PECAM1: variants seen among roughly 807,000 people sequenced by gnomAD.
PECAM1 encodes the protein platelet and endothelial cell adhesion molecule 1, also known as platelet endothelial cell adhesion molecule.
In PECAM1, 8 loss-of-function variants were observed where a neutral mutation model predicts 13.8. The observed-to-expected ratio is 0.58, with a 90% CI of 0.34 to 1.05. The LOEUF is 1.05. PECAM1 is among the 50% of genes least tolerant of loss of function. The probability of loss-of-function intolerance (pLI) is 0.03; values close to 1 mark genes in which losing one functional copy is unlikely to be tolerated. For missense variants in PECAM1, 304 were observed against 141.2 expected, an observed-to-expected ratio of 2.15 and a Z score of -5.84; for synonymous variants, 136 against 52.6, an observed-to-expected ratio of 2.58 and a Z score of -6.86.
rs1288818165 is a variant in PECAM1, at chr17:64,390,809, A to C, written c.-144T>G. The stretch of plus-strand genomic sequence containing the variant: ...TCTGGTCACTTCTCCCGGCGCCTGC[A>C]GAGAGACCGGCTGTGGCGCTGGTCA... On this transcript the variant is annotated 5_prime_UTR_variant, in exon 1 of 16. Coordinates refer to ENST00000563924, the MANE Select transcript of PECAM1 (RefSeq NM_000442.5). The C allele has an allele frequency of 2.5e-6, 1 of 397,748 alleles. No homozygotes were observed. Among genetic ancestry groups the C allele is most frequent in the Non-Finnish European group, 4.4e-6 (1 of 225,980 alleles). The allele number at this position is 397,748 out of a possible 1,614,324, so 24.6% of individuals were successfully genotyped here. A position where few individuals can be genotyped will look rare whatever the true frequency, so the allele number is the denominator to read the frequency against.
chr17:64,330,542 G>A (rs67294917), intron 14 of PECAM1, among the ~76,000 whole-genome samples: 70,851 of 150,806 alleles, frequency 0.47, 17,824 homozygotes, highest in East Asian at 0.69. Flanking sequence ...AGGCTGAGGC[G>A]GGAGAATCGC....
chr17:64,342,687 A>G lies in PECAM1; in HGVS notation c.2108-997T>C, dbSNP rs1205861842. On this transcript the variant is annotated intron_variant, in intron 13 of 15. Transcript: ENST00000563924. The stretch of plus-strand genomic sequence containing the variant: ...ATCCTCTGGGCTAGACCCTCTCAAT[A>G]TGGCAGCATGATGACTGACCCAGGG... Among the ~76,000 whole-genome samples, 5 of 152,108 alleles carry G rather than the reference A, an allele frequency of 3.3e-5. No homozygotes were observed. The East Asian group carries it at 7.8e-4, about 24-fold the overall frequency.
intron 15 of PECAM1, among the ~76,000 whole-genome samples, chr17:64,325,413 A>G (rs1424538924): frequency 6.6e-6 from 1 of 151,730 alleles, no homozygotes; most frequent in Non-Finnish European, 1.5e-5. Flanking sequence ...GGTAAATTTA[A>G]TATTATGTAT....
intron 6 of PECAM1, among the ~76,000 whole-genome samples, chr17:64,362,392 G>A (rs1283405576): frequency 6.6e-6 from 1 of 152,196 alleles, no homozygotes; most frequent in African/African-American, 2.4e-5. Context: ...GCTCAGGCCT[G>A]TAATCCCAGG....
chr17:64,382,055 A>G (rs1449196841), intron 2 of PECAM1, among the ~76,000 whole-genome samples: 3 of 152,196 alleles, frequency 2.0e-5, no homozygotes, highest in Non-Finnish European at 4.4e-5. Context: ...AGCCAAGGTC[A>G]TGCCATTGCA....
chr17:64,357,914 C>T (rs1422693406), intron 7 of PECAM1, among the ~76,000 whole-genome samples: 2 of 152,104 alleles, frequency 1.3e-5, no homozygotes, highest in Non-Finnish European at 2.9e-5. Context: ...CCAGGTGGAT[C>T]GTTCCGAGAA....
chr17:64,353,926 C>G lies in PECAM1; in HGVS notation c.1889-408G>C, dbSNP rs980589822. ...ATTAGCCAGATAAGCAGGCAGCTCT[C>G]TTCCTCTCTCTCTCTTTTTTTTTTT... On this transcript the variant is annotated intron_variant, in intron 9 of 15. Transcript: ENST00000563924. Among the ~76,000 whole-genome samples, 74 of 142,572 alleles carry G rather than the reference C, an allele frequency of 5.2e-4. No homozygotes were observed. The East Asian group carries it at 0.015, about 28-fold the overall frequency. 93.5% of individuals were successfully genotyped at this position (142,572 alleles called of 152,430 possible).
At chr17:64,368,459 C>G (rs1045113256) in intron 5 of PECAM1, among the ~76,000 whole-genome samples, 137,401 of 152,088 alleles carry the variant, frequency 0.9, 63,130 homozygotes, top group East Asian at 1. Context: ...TGTAATCCTT[C>G]GTTGAGTTAC....
chr17:64,365,976 C>A (rs1319457009), intron 5 of PECAM1, among the ~76,000 whole-genome samples: 24 of 151,752 alleles, frequency 1.6e-4, no homozygotes, highest in African/African-American at 4.8e-4. Context: ...GACAAATGGG[C>A]TCTAATTAAA....
At chr17:64,376,649 G>T (rs955328154) in intron 3 of PECAM1, among the ~76,000 whole-genome samples, 14 of 152,272 alleles carry the variant, frequency 9.2e-5, no homozygotes, top group African/African-American at 3.4e-4. Context: ...GCAGACAGAT[G>T]TGTAAGAATG....
At chr17:64,350,659 T>G (rs2035700868) in intron 11 of PECAM1, among the ~76,000 whole-genome samples, 1 of 143,890 alleles carries the variant, frequency 6.9e-6, no homozygotes, top group Non-Finnish European at 1.5e-5. Context: ...TTTTTTTTTT[T>G]GAGGCAATGT....
At chr17:64,336,381 C>T (rs905711732) in intron 14 of PECAM1, among the ~76,000 whole-genome samples, 3 of 151,932 alleles carry the variant, frequency 2.0e-5, no homozygotes, top group East Asian at 1.9e-4. Flanking sequence ...GAAGCCTAAG[C>T]GGGTGGGTTA....
chr17:64,368,110 G>A (rs1482175673), intron 5 of PECAM1, among the ~76,000 whole-genome samples: 1 of 152,184 alleles, frequency 6.6e-6, no homozygotes, highest in African/African-American at 2.4e-5. Context: ...GTGCAACCAA[G>A]AAGTGCTGAC....
At chr17:64,355,982 G>A (rs1051630187) in intron 8 of PECAM1, 129 bp downstream of exon 8, 286 of 448,408 alleles carry the variant, frequency 6.4e-4, no homozygotes, top group Non-Finnish European at 9.2e-4. Flanking sequence ...AGAGCCTGGA[G>A]GACATTACTC....
intron 15 of PECAM1, among the ~76,000 whole-genome samples, chr17:64,326,542 A>G (rs1555645754): frequency 1.3e-5 from 2 of 152,058 alleles, no homozygotes; most frequent in African/African-American, 2.4e-5. Context: ...ACCCTGCCCT[A>G]TTTCCTCTGC....
intron 4 of PECAM1, among the ~76,000 whole-genome samples, 175 bp downstream of exon 4, chr17:64,374,876 T>C (rs2036322264): frequency 6.6e-6 from 1 of 151,896 alleles, no homozygotes; most frequent in African/African-American, 2.4e-5. Context: ...GTCTGAAAAA[T>C]TGTATGCAAT....
At chr17:64,342,149 C>CA (rs1296904915) in intron 13 of PECAM1, among the ~76,000 whole-genome samples, 31 of 59,886 alleles carry the variant, frequency 5.2e-4, no homozygotes, top group Admixed American at 1.7e-3. Context: ...CACACCACCT[C>CA]AAAAAAAAAA....
chr17:64,321,941 C>T lies in PECAM1; in HGVS notation c.*1875G>A, dbSNP rs1368367862. The T allele has an allele frequency of 7.6e-6, 10 of 1,320,968 alleles. No individual in the cohort carries two copies. The highest frequency in any genetic ancestry group is 1.2e-5 in the South Asian group (1 of 86,838). The allele number at this position is 1,320,968 out of a possible 1,614,324, so 81.8% of individuals were successfully genotyped here. A position where few individuals can be genotyped will look rare whatever the true frequency, so the allele number is the denominator to read the frequency against. On this transcript the variant is annotated 3_prime_UTR_variant, in exon 16 of 16. Transcript: ENST00000563924. ...AGATCATCAACAGAGACATGAAGGTCGTTAGAGGTCGTCTGATCCTTTGAC... is the reference window on the plus strand; with the variant it reads ...AGATCATCAACAGAGACATGAAGGTTGTTAGAGGTCGTCTGATCCTTTGAC...
intron 14 of PECAM1, among the ~76,000 whole-genome samples, chr17:64,334,273 A>G (rs1473837295): frequency 6.6e-6 from 1 of 151,756 alleles, no homozygotes; most frequent in Non-Finnish European, 1.5e-5. Context: ...TGCTCCTTGG[A>G]GGCAGGCCTG....
Sources: gnomAD v4.1 joint callset for allele counts (sites outside exome capture counted in the v4.1 genomes callset) on GRCh38, gnomAD v4.1.1 for gene constraint, MANE v1.5 for transcripts, NCBI Gene and HGNC (gene_info 2026-07-23, HGNC 2026-07-21) for gene names.